DOCK7: variants seen among roughly 807,000 people sequenced by gnomAD.
DOCK7 encodes dedicator of cytokinesis protein 7.
A neutral mutation model predicts 271.0 loss-of-function variants in DOCK7; 138 were observed. The observed-to-expected ratio is 0.51, with a 90% CI of 0.44 to 0.59. The LOEUF (loss-of-function observed/expected upper bound fraction) is 0.59. DOCK7 is among the 20% of genes least tolerant of loss of function. DOCK7 has a pLI of 0.00. For synonymous variants in DOCK7, 823 were observed against 876.1 expected, an observed-to-expected ratio of 0.94 and a Z score of 1.07; for missense variants, 2,066 against 2,592.4, an observed-to-expected ratio of 0.80 and a Z score of 4.41.
At chr1:62,565,352 C>T (rs1188848382) in intron 18 of DOCK7, among the ~76,000 whole-genome samples, 2 of 152,128 alleles carry the variant, frequency 1.3e-5, no homozygotes, top group Admixed American at 6.5e-5. Context: ...CACCAAAAAG[C>T]TTATCCACCA....
rs1399919754 is a variant in DOCK7, at chr1:62,496,384, A to C, written c.4878T>G (p.Tyr1626Ter). 1 of 1,613,628 alleles carries C rather than the reference A, an allele frequency of 6.2e-7. No homozygotes were observed. Among genetic ancestry groups the C allele is most frequent in the African/African-American group, 1.3e-5 (1 of 75,042 alleles). The change falls in exon 38 of 50, where the codon TAT (tyrosine) becomes TAG (stop). Residue 1626 changes from tyrosine (Y) to a stop codon, truncating the protein, a stop_gained. Coordinates refer to ENST00000635253, the MANE Select transcript of DOCK7 (RefSeq NM_001367561.1). LOFTEE classifies it high-confidence loss of function. ...CCCTCAATTCCAGATCTTCTTCAGCATATGTCAATATAGTCTTTAGAGAAC... is the reference window on the plus strand; with the variant it reads ...CCCTCAATTCCAGATCTTCTTCAGCCTATGTCAATATAGTCTTTAGAGAAC... Reference protein sequence around the residue: ...LRRSLKTILTYAEEDLELRET... With the variant: ...LRRSLKTILT
intron 47 of DOCK7, among the ~76,000 whole-genome samples, chr1:62,474,547 AC>A (rs1235721414): frequency 6.6e-6 from 1 of 152,188 alleles, no homozygotes; most frequent in African/African-American, 2.4e-5. Context: ...TGGAGACAAA[AC>A]CTTAAAATCG....
chr1:62,477,561 T>C, intron 44 of DOCK7, 139 bp downstream of exon 44: 1 of 832,756 alleles, frequency 1.2e-6, no homozygotes, highest in Non-Finnish European at 1.7e-6. Context: ...TTGTAACTAT[T>C]AAAAGTCCTT....
At chr1:62,626,568 A>G (rs1395631292) in intron 11 of DOCK7, among the ~76,000 whole-genome samples, 1 of 152,130 alleles carries the variant, frequency 6.6e-6, no homozygotes, top group Admixed American at 6.5e-5. Flanking sequence ...TACAGAGTAA[A>G]AGGAATAAAG....
chr1:62,466,605 G>A (rs977414808), intron 48 of DOCK7, among the ~76,000 whole-genome samples: 5 of 152,204 alleles, frequency 3.3e-5, no homozygotes, highest in East Asian at 1.9e-4. Flanking sequence ...GTTTAACACC[G>A]AAGGTCTTGA....
At chr1:62,483,953 C>G (rs1485990433) in intron 43 of DOCK7, 1 of 152,174 alleles carries the variant, frequency 6.6e-6, no homozygotes, top group Non-Finnish European at 1.5e-5. Flanking sequence ...TCACTATGCT[C>G]TATTCTTGAA....
chr1:62,627,322 A>G (rs1173377642), intron 11 of DOCK7, among the ~76,000 whole-genome samples: 1 of 152,204 alleles, frequency 6.6e-6, no homozygotes, highest in Non-Finnish European at 1.5e-5. Context: ...AAAGTCAAGA[A>G]TAAGACAAGG....
chr1:62,498,357 T>C (rs1027869660), intron 37 of DOCK7, among the ~76,000 whole-genome samples: 7 of 152,206 alleles, frequency 4.6e-5, no homozygotes, highest in Non-Finnish European at 1.0e-4. Context: ...AGCCATCTGA[T>C]TGGGTAATTC....
At chr1:62,482,169 TG>T (rs1646146185) in intron 43 of DOCK7, 1 of 152,196 alleles carries the variant, frequency 6.6e-6, no homozygotes, top group Non-Finnish European at 1.5e-5. Context: ...TGCTAGACAC[TG>T]GTTAACCACT....
chr1:62,656,805 G>A (rs867766479), intron 2 of DOCK7, among the ~76,000 whole-genome samples: 1 of 151,946 alleles, frequency 6.6e-6, no homozygotes, highest in Admixed American at 6.6e-5. Context: ...GGAGGGCCGG[G>A]GGGTGGGGAG....
At chr1:62,577,920 AT>A (rs568682555) in intron 17 of DOCK7, among the ~76,000 whole-genome samples, 1,787 of 149,460 alleles carry the variant, frequency 0.012, 15 homozygotes, top group Non-Finnish European at 0.019. Flanking sequence ...AACCATAGTA[AT>A]TTTTTTTTTC....
At chr1:62,541,478 A>C (rs1204399951) in intron 25 of DOCK7, among the ~76,000 whole-genome samples, 18 of 152,234 alleles carry the variant, frequency 1.2e-4, no homozygotes, top group Non-Finnish European at 2.6e-4. Context: ...CAGCAAAACC[A>C]ACCCCTCCTC....
intron 18 of DOCK7, among the ~76,000 whole-genome samples, chr1:62,570,367 G>C (rs1205558313): frequency 2.0e-5 from 3 of 152,096 alleles, no homozygotes; most frequent in Non-Finnish European, 4.4e-5. Flanking sequence ...ACCTCTTCAA[G>C]GAGAACTACA....
chr1:62,580,157 T>G (rs916049150), intron 16 of DOCK7, among the ~76,000 whole-genome samples: 3 of 152,212 alleles, frequency 2.0e-5, no homozygotes, highest in African/African-American at 7.2e-5. Context: ...GTTTTCTTCC[T>G]TAGATGTTAA....
intron 18 of DOCK7, among the ~76,000 whole-genome samples, chr1:62,565,513 C>T (rs1646482275): frequency 6.6e-6 from 1 of 152,126 alleles, no homozygotes; most frequent in South Asian, 2.1e-4. Flanking sequence ...TTCAACACCC[C>T]TTCATGCTAA....
chr1:62,608,773 A>G (rs1301446250), intron 14 of DOCK7: 3 of 152,154 alleles, frequency 2.0e-5, no homozygotes, highest in African/African-American at 7.2e-5. Context: ...ATCTATTTCC[A>G]TACACTCTGT....
At chr1:62,526,465 A>T (rs1645010507) in intron 31 of DOCK7, among the ~76,000 whole-genome samples, 2 of 152,134 alleles carry the variant, frequency 1.3e-5, no homozygotes, top group South Asian at 4.1e-4. Context: ...TTCATTGCTG[A>T]TGAGAATGAA....
intron 14 of DOCK7, among the ~76,000 whole-genome samples, chr1:62,595,482 C>T (rs929787118): frequency 2.6e-5 from 4 of 152,028 alleles, no homozygotes; most frequent in Non-Finnish European, 4.4e-5. Context: ...ATATGAAATC[C>T]GGGATTCTGA....
intron 4 of DOCK7, among the ~76,000 whole-genome samples, chr1:62,650,136 G>A (rs1022600178): frequency 2.0e-5 from 3 of 152,026 alleles, no homozygotes; most frequent in African/African-American, 7.2e-5. Context: ...CCCTCTTCTT[G>A]GCCCTCTCTA....
Sources: gnomAD v4.1 joint callset for allele counts (sites outside exome capture counted in the v4.1 genomes callset) on GRCh38, gnomAD v4.1.1 for gene constraint, MANE v1.5 for transcripts, NCBI Gene and HGNC (gene_info 2026-07-23, HGNC 2026-07-21) for gene names.